NCKAP5: variants seen among roughly 807,000 people sequenced by gnomAD.
NCKAP5 encodes the protein nck-associated protein 5.
In NCKAP5, 92 loss-of-function variants were observed where a neutral mutation model predicts 167.0. The ratio of observed to expected loss-of-function variants is 0.55; its 90% CI spans 0.47 to 0.66. NCKAP5 has a LOEUF of 0.66. Among genes scored for constraint, NCKAP5 ranks in the 30% least tolerant of loss-of-function variants. NCKAP5 has a pLI of 0.00. For missense variants in NCKAP5, 2,378 were observed against 2,315.0 expected (o/e 1.03, Z -0.56); for synonymous variants, 891 against 877.4 (o/e 1.02, Z -0.27).
At chr2:132,862,092 G>A (rs563760135) in intron 10 of NCKAP5, among the ~76,000 whole-genome samples, 116 of 152,246 alleles carry the variant, frequency 7.6e-4, no homozygotes, top group African/African-American at 2.6e-3. Context: ...CTACCTATTG[G>A]GCTTAAGGCT....
intron 19 of NCKAP5, among the ~76,000 whole-genome samples, chr2:132,721,227 C>T (rs1689890839): frequency 6.6e-6 from 1 of 151,938 alleles, no homozygotes; most frequent in African/African-American, 2.4e-5. Flanking sequence ...AGAATCGCTT[C>T]AACCCAAGAG....
chr2:133,585,835 A>G, the NCKAP5 span, among the ~76,000 whole-genome samples: 2 of 152,294 alleles, frequency 1.3e-5, no homozygotes, highest in East Asian at 1.9e-4. Flanking sequence ...GATCTGTTGG[A>G]CCTCAAAGTC....
chr2:133,331,531 G>A (rs748046226), intron 3 of NCKAP5, among the ~76,000 whole-genome samples: 3 of 152,210 alleles, frequency 2.0e-5, no homozygotes, highest in Admixed American at 6.5e-5. Context: ...GCAGCAACGT[G>A]TTCTGCTCCA....
rs115363692 is a variant in NCKAP5, at chr2:133,333,453, G to T, written c.70-30343C>A. On this transcript the variant is annotated intron_variant, in intron 3 of 19. Coordinates refer to ENST00000409261, the MANE Select transcript of NCKAP5 (RefSeq NM_207363.3). ...GTTAATGCTCTCTGCTTTCTTCCACGACGAGGAAAAGCCATGGCCTTGACG... is the reference window on the plus strand; with the variant it reads ...GTTAATGCTCTCTGCTTTCTTCCACTACGAGGAAAAGCCATGGCCTTGACG... Among the ~76,000 whole-genome samples the T allele has an allele frequency of 5.0e-3, 754 of 152,164 alleles. 8 individuals are homozygous for T. The highest frequency in any genetic ancestry group is 0.017 in the African/African-American group (709 of 41,536).
At chr2:132,757,703 C>A (rs1559017269) in intron 16 of NCKAP5, among the ~76,000 whole-genome samples, 1 of 152,222 alleles carries the variant, frequency 6.6e-6, no homozygotes, top group African/African-American at 2.4e-5. Context: ...CCAGGTGAAA[C>A]TGTGGATTAA....
intron 11 of NCKAP5, among the ~76,000 whole-genome samples, chr2:132,855,279 G>T (rs1177698306): frequency 6.6e-6 from 1 of 152,186 alleles, no homozygotes; most frequent in Non-Finnish European, 1.5e-5. Flanking sequence ...ATGTTTTCAT[G>T]TCTGGCCAGT....
At chr2:133,150,194 T>C (rs1454461457) in intron 5 of NCKAP5, among the ~76,000 whole-genome samples, 1 of 152,216 alleles carries the variant, frequency 6.6e-6, no homozygotes, top group Non-Finnish European at 1.5e-5. Flanking sequence ...AATTTTTAAA[T>C]TGTACATCTT....
intron 2 of NCKAP5, among the ~76,000 whole-genome samples, chr2:133,526,780 C>T (rs963231078): frequency 4.6e-5 from 7 of 152,080 alleles, no homozygotes; most frequent in African/African-American, 7.2e-5. Context: ...TTACATAAAA[C>T]GTCTACATGT....
intron 19 of NCKAP5, among the ~76,000 whole-genome samples, chr2:132,686,838 A>C (rs755626884): frequency 6.6e-6 from 1 of 152,248 alleles, no homozygotes; most frequent in Non-Finnish European, 1.5e-5. Context: ...CCAGTAAGTA[A>C]ACAGGAAAAT....
chr2:133,673,834 G>C, the NCKAP5 span, among the ~76,000 whole-genome samples: 1 of 152,184 alleles, frequency 6.6e-6, no homozygotes, highest in African/African-American at 2.4e-5. Context: ...AAATGTGCAA[G>C]ATTCTTTGTT....
chr2:133,389,038 C>T (rs1202896292), intron 3 of NCKAP5, among the ~76,000 whole-genome samples: 3 of 152,220 alleles, frequency 2.0e-5, no homozygotes, highest in Non-Finnish European at 4.4e-5. Flanking sequence ...ACTGCACCCA[C>T]TGTCCTGCAC....
At chr2:133,433,159 C>T (rs56315370) in intron 3 of NCKAP5, among the ~76,000 whole-genome samples, 17,579 of 152,124 alleles carry the variant, frequency 0.12, 1,076 homozygotes, top group Middle Eastern at 0.18. Context: ...TGAAATATTA[C>T]CTAAATATCT....
At chr2:132,758,045 G>A (rs1203573190) in intron 16 of NCKAP5, among the ~76,000 whole-genome samples, 1 of 152,042 alleles carries the variant, frequency 6.6e-6, no homozygotes, top group Non-Finnish European at 1.5e-5. Context: ...CGCCAATCCC[G>A]AAATCCTCCT....
intron 3 of NCKAP5, among the ~76,000 whole-genome samples, chr2:133,488,403 A>G (rs970852855): frequency 1.3e-5 from 2 of 152,186 alleles, no homozygotes; most frequent in Non-Finnish European, 2.9e-5. Context: ...GCATGGAAAA[A>G]TCAGCCTTAA....
At chr2:133,337,532 G>C (rs954556452) in intron 3 of NCKAP5, among the ~76,000 whole-genome samples, 1 of 152,158 alleles carries the variant, frequency 6.6e-6, no homozygotes, top group Non-Finnish European at 1.5e-5. Context: ...TCTTTAAAGA[G>C]GTAATTATGT....
At chr2:133,286,034 C>T (rs1387217359) in intron 4 of NCKAP5, among the ~76,000 whole-genome samples, 2 of 146,688 alleles carry the variant, frequency 1.4e-5, no homozygotes, top group Admixed American at 6.9e-5. Flanking sequence ...CTTGCTCTGT[C>T]GCCCAGGCTG....
At chr2:133,644,942 T>A in the NCKAP5 span, among the ~76,000 whole-genome samples, 1 of 152,080 alleles carries the variant, frequency 6.6e-6, no homozygotes, top group African/African-American at 2.4e-5. Context: ...ACAAAAAAAA[T>A]GAGAAATCTA....
intron 8 of NCKAP5, chr2:132,931,435 T>C (rs1378787181): frequency 2.6e-5 from 4 of 152,176 alleles, no homozygotes; most frequent in African/African-American, 9.7e-5. Flanking sequence ...TCTGCTGTGA[T>C]AGTGGGGGCT....
intron 11 of NCKAP5, among the ~76,000 whole-genome samples, chr2:132,853,496 CAT>C (rs1417394502): frequency 1.3e-5 from 2 of 152,170 alleles, no homozygotes; most frequent in Non-Finnish European, 2.9e-5. Context: ...CAGATTGACA[CAT>C]ATGATGGGAA....
Sources: allele counts gnomAD v4.1 joint callset (sites outside exome capture counted in the v4.1 genomes callset), GRCh38; gene constraint gnomAD v4.1.1; transcripts MANE v1.5; gene names NCBI Gene and HGNC (gene_info 2026-07-23, HGNC 2026-07-21).